The following ARL6 variants were observed in gnomAD, a reference collection of about 807,000 sequenced individuals.
ARL6 encodes the protein ARF like GTPase 6.
ARL6 carries 18 observed loss-of-function variants against 27.1 expected under a neutral mutation model. That is an observed-to-expected ratio of 0.66 (90% confidence interval 0.46 to 0.98). The LOEUF (loss-of-function observed/expected upper bound fraction) is 0.98. ARL6 is among the 50% of genes least tolerant of loss of function. The pLI, the probability that ARL6 is intolerant of heterozygous loss-of-function variation, is 0.00. For synonymous variants in ARL6, 65 were observed against 72.3 expected (o/e 0.90, Z 0.51); for missense variants, 187 against 214.9 (o/e 0.87, Z 0.81).
intron 5 of ARL6, among the ~76,000 whole-genome samples, chr3:97,785,373 A>C (rs1209152530): frequency 6.6e-6 from 1 of 150,628 alleles, no homozygotes; most frequent in Non-Finnish European, 1.5e-5. Context: ...AATAAAATAA[A>C]GATCTGTGTA....
intron 2 of ARL6, among the ~76,000 whole-genome samples, chr3:97,773,302 G>A (rs369447627): frequency 1.2e-4 from 19 of 152,286 alleles, no homozygotes; most frequent in African/African-American, 2.2e-4. Flanking sequence ...TATTCTGGGC[G>A]CACTGGCAGC....
At chr3:97,774,219 C>G (rs753654883) in intron 2 of ARL6, among the ~76,000 whole-genome samples, 3 of 152,162 alleles carry the variant, frequency 2.0e-5, no homozygotes, top group Non-Finnish European at 4.4e-5. Flanking sequence ...TTAGAAAACT[C>G]GAGCAGTTCT....
chr3:97,780,254 T>G, intron 3 of ARL6, 34 bp downstream of exon 3: 1 of 1,536,172 alleles, frequency 6.5e-7, no homozygotes, highest in Non-Finnish European at 9.0e-7. Context: ...AAAAAGTTGC[T>G]AGTGAAAAAT....
Position 97,771,778 on chromosome 3 carries a change from G to A in ARL6, c.123+3548G>A, listed in dbSNP as rs767353610. On this transcript the variant is annotated intron_variant, in intron 2 of 7. Coordinates refer to ENST00000463745, the MANE Select transcript of ARL6 (RefSeq NM_001278293.3). ...GAATTTTATCAAAAGTTTTTTCAAC[G>A]TCTATTTAAATGATCATATGGTTTT... Among the ~76,000 whole-genome samples, 9 of 151,966 alleles carry A rather than the reference G, an allele frequency of 5.9e-5. 1 individual carries two copies. The highest frequency in any genetic ancestry group is 3.9e-4 in the East Asian group (2 of 5,190).
At chr3:97,771,134 C>A (rs2036618121) in intron 2 of ARL6, among the ~76,000 whole-genome samples, 2 of 151,998 alleles carry the variant, frequency 1.3e-5, no homozygotes, top group Non-Finnish European at 2.9e-5. Context: ...TGTGATAATT[C>A]TTTTAATCCA....
Position 97,780,488 on chromosome 3 carries a change from C to G in ARL6, c.186-127C>G, listed in dbSNP as rs147929512. Reference sequence around the variant, plus strand: ...ATACATTTATTTCATAGAACTTTTACTTGTAAATTGGCACATGTTGAATAT... The same window carrying G: ...ATACATTTATTTCATAGAACTTTTAGTTGTAAATTGGCACATGTTGAATAT... On this transcript the variant is annotated intron_variant, in intron 3 of 7. Coordinates refer to ENST00000463745, the MANE Select transcript of ARL6 (RefSeq NM_001278293.3). The G allele has an allele frequency of 2.2e-5, 18 of 813,322 alleles. No individual in the cohort carries two copies. The East Asian group carries it at 4.3e-4, about 19-fold the overall frequency. 50.4% of individuals were successfully genotyped at this position (813,322 alleles called of 1,614,324 possible). A position where few individuals can be genotyped will look rare whatever the true frequency, so the allele number is the denominator to read the frequency against.
chr3:97,790,868 C>A (rs1402069863), intron 6 of ARL6, among the ~76,000 whole-genome samples: 14 of 151,952 alleles, frequency 9.2e-5, no homozygotes. Context: ...GCCTTCAGCA[C>A]ACTAAAAGGA....
chr3:97,796,937 A>G (rs2038031864), intron 7 of ARL6, among the ~76,000 whole-genome samples: 1 of 152,176 alleles, frequency 6.6e-6, no homozygotes, highest in African/African-American at 2.4e-5. Context: ...TGTCCTTTTT[A>G]CTAAGGTAGC....
At position 97,799,753 on chromosome 3, in the gene ARL6, A is replaced by G. The variant is rs562377938; in HGVS notation, c.*1704A>G. ...TATTATTTCCATTTTATAGATCAGT[A>G]AACTGAGGCGTTAAAATGTTATGTA... On this transcript the variant is annotated 3_prime_UTR_variant, in exon 8 of 8. Transcript: ENST00000463745. 6 of 152,328 alleles carry G rather than the reference A, an allele frequency of 3.9e-5. No homozygotes were observed. The South Asian group carries it at 1.0e-3, about 26-fold the overall frequency. The allele number at this position is 152,328 out of a possible 1,614,324, so 9.4% of individuals were successfully genotyped here.
Position 97,799,526 on chromosome 3 carries a change from A to G in ARL6, c.*1477A>G, listed in dbSNP as rs2038157729. On this transcript the variant is annotated 3_prime_UTR_variant, in exon 8 of 8. Coordinates refer to ENST00000463745, the MANE Select transcript of ARL6 (RefSeq NM_001278293.3). ...ACATAAGGATGGAAACAATGAATGTAATTTTTTAAAAAACTGATATGCTAC... is the reference window on the plus strand; with the variant it reads ...ACATAAGGATGGAAACAATGAATGTGATTTTTTAAAAAACTGATATGCTAC... The G allele has an allele frequency of 6.6e-6, 1 of 152,090 alleles. No individual in the cohort carries two copies. The highest frequency in any genetic ancestry group is 6.6e-5 in the Admixed American group (1 of 15,262). The allele number at this position is 152,090 out of a possible 1,614,324, so 9.4% of individuals were successfully genotyped here.
At chr3:97,767,418 T>C (rs1457978565) in intron 1 of ARL6, among the ~76,000 whole-genome samples, 3 of 152,118 alleles carry the variant, frequency 2.0e-5, no homozygotes, top group Non-Finnish European at 4.4e-5. Context: ...AAGGGATTTG[T>C]GGTGACTTAC....
chr3:97,793,606 T>C (rs2037849242), intron 7 of ARL6, among the ~76,000 whole-genome samples: 1 of 152,196 alleles, frequency 6.6e-6, no homozygotes. Context: ...CACTAGCAGT[T>C]AGCCACTAGG....
At chr3:97,780,587 T>C (rs1387659593) in intron 3 of ARL6, 28 bp from the exon 4 acceptor site, 1 of 1,573,028 alleles carries the variant, frequency 6.4e-7, no homozygotes, top group Non-Finnish European at 8.7e-7. Context: ...TAGTTTATAA[T>C]GTAGTCATGT....
At chr3:97,782,016 C>T (rs1488969672) in intron 4 of ARL6, among the ~76,000 whole-genome samples, 3 of 151,554 alleles carry the variant, frequency 2.0e-5, no homozygotes, top group African/African-American at 7.3e-5. Context: ...AATTGAAGGC[C>T]TATTTAAATC....
rs190558461 is a variant in ARL6 at position 97,786,381 on chromosome 3, G to A, written c.349+1332G>A. 7.0e-3 allele frequency among the ~76,000 whole-genome samples: 1,056 copies of A among 151,844 alleles called. 10 individuals carry two copies. Among genetic ancestry groups the A allele is most frequent in the African/African-American group, 0.024 (1,003 of 41,486 alleles). ...GCAGTCTTGTATCTAGATTGATAAT[G>A]CATTTTTGATTATGTCTTCCTTTCA... is the stretch of plus-strand genomic sequence containing the variant. On this transcript the variant is annotated intron_variant, in intron 5 of 7. Coordinates refer to ENST00000463745, the MANE Select transcript of ARL6 (RefSeq NM_001278293.3).
chr3:97,783,223 T>G (rs1254016563), intron 4 of ARL6, among the ~76,000 whole-genome samples: 1 of 151,774 alleles, frequency 6.6e-6, no homozygotes, highest in African/African-American at 2.4e-5. Flanking sequence ...TCAATCTTTT[T>G]GGTATCTTTC....
intron 4 of ARL6, among the ~76,000 whole-genome samples, chr3:97,782,078 G>A (rs1473884637): frequency 2.0e-5 from 3 of 151,844 alleles, no homozygotes; most frequent in Non-Finnish European, 1.5e-5. Flanking sequence ...CTTCAGATTC[G>A]AGGGTTAGTT....
chr3:97,768,333 G>T lies in ARL6; in HGVS notation c.123+103G>T, dbSNP rs1392461380. 2.3e-6 allele frequency: 3 copies of T among 1,281,016 alleles called. No individual in the cohort carries two copies. The East Asian group carries it at 7.7e-5, about 33-fold the overall frequency. The allele number at this position is 1,281,016 out of a possible 1,614,324, so 79.4% of individuals were successfully genotyped here. The stretch of plus-strand genomic sequence containing the variant: ...TTAAAACCGCATATAATCACATTAA[G>T]ATATTCTGTTAACCTTTCAGTACCT... On this transcript the variant is annotated intron_variant, in intron 2 of 7. Coordinates refer to ENST00000463745, the MANE Select transcript of ARL6 (RefSeq NM_001278293.3).
intron 6 of ARL6, among the ~76,000 whole-genome samples, chr3:97,790,644 T>G (rs979087884): frequency 6.6e-6 from 1 of 152,134 alleles, no homozygotes; most frequent in African/African-American, 2.4e-5. Flanking sequence ...TTTAAGTGTT[T>G]CGGTTACTGA....
Sources: gnomAD v4.1 joint callset for allele counts (sites outside exome capture counted in the v4.1 genomes callset) on GRCh38, gnomAD v4.1.1 for gene constraint, MANE v1.5 for transcripts, NCBI Gene and HGNC (gene_info 2026-07-23, HGNC 2026-07-21) for gene names.